Variants in DPP9 observed in about 807,000 individuals in gnomAD.
The protein encoded by DPP9 is dipeptidyl peptidase IV-related protein-2.
A neutral mutation model predicts 110.7 loss-of-function variants in DPP9; 50 were observed. That is an observed-to-expected ratio of 0.45 (90% CI 0.36 to 0.57). The LOEUF is 0.57. DPP9 is among the 20% of genes least tolerant of loss of function. DPP9 has a pLI of 0.00. For missense variants in DPP9, 1,022 were observed against 1,217.9 expected (o/e 0.84, Z 2.39); for synonymous variants, 561 against 514.4 (o/e 1.09, Z -1.23).
intron 7 of DPP9, among the ~76,000 whole-genome samples, chr19:4,703,002 C>A (rs1044394647): frequency 1.3e-5 from 2 of 151,870 alleles, no homozygotes; most frequent in African/African-American, 4.8e-5. Flanking sequence ...CCTCCACTCA[C>A]CCCATGGCAA....
rs763640243 is a variant in DPP9, at chr19:4,697,599, G to A, written c.1127C>T (p.Pro376Leu). 9.9e-6 allele frequency: 16 copies of A among 1,613,778 alleles called. No individual in the cohort carries two copies. The highest frequency in any genetic ancestry group is 2.2e-5 in the East Asian group (1 of 44,880). ...GGCCCTGGCGATGTACTCCACCTTC[G>A]GGAACAGCGAGCTGAAGGGCTGCAC... ...ELVQPFSSLF[P>L]KVEYIARAGW... The change falls in exon 11 of 22, where the codon CCG becomes CTG. Residue 376 changes from proline to leucine, a missense_variant. Around this residue, in one of 3 missense-constraint regions of DPP9, gnomAD observed 810 missense variants for 920.6 expected, o/e 0.88. Transcript: ENST00000262960.
At chr19:4,683,814 C>A in intron 18 of DPP9, 185 bp from the exon 19 acceptor site, 8 of 1,536,240 alleles carry the variant, frequency 5.2e-6, no homozygotes, top group Non-Finnish European at 7.0e-6. Flanking sequence ...ACAGATCCAG[C>A]AGCCATCTTG....
chr19:4,712,599 A>G (rs2092886413), intron 4 of DPP9, among the ~76,000 whole-genome samples: 1 of 152,158 alleles, frequency 6.6e-6, no homozygotes, highest in Non-Finnish European at 1.5e-5. Flanking sequence ...GTTTTCAGCT[A>G]CGTGGGCCAT....
At chr19:4,680,597 C>T (rs1206984629) in intron 20 of DPP9, among the ~76,000 whole-genome samples, 3 of 149,306 alleles carry the variant, frequency 2.0e-5, no homozygotes, top group African/African-American at 5.0e-5. Context: ...CCTGTGGTCC[C>T]AGCTGAGCCT....
At chr19:4,683,885 G>A (rs767558918) in intron 18 of DPP9, 540 of 1,421,886 alleles carry the variant, frequency 3.8e-4, no homozygotes, top group Admixed American at 4.5e-4. Flanking sequence ...GCGTCAGTTT[G>A]CCCATCCCTA....
Position 4,689,462 on chromosome 19 carries a change from C to A in DPP9, c.1749+108G>T. 1.4e-6 allele frequency: 2 copies of A among 1,390,048 alleles called. No homozygotes were observed. The highest frequency in any genetic ancestry group is 1.9e-6 in the Non-Finnish European group (2 of 1,042,332). The allele number at this position is 1,390,048 out of a possible 1,614,324, so 86.1% of individuals were successfully genotyped here. ...CTGCCCCAAGGCAGCTATGAGAATGCGAGACCATGAGAATGACCCTGAGTG... is the reference window on the plus strand; with the variant it reads ...CTGCCCCAAGGCAGCTATGAGAATGAGAGACCATGAGAATGACCCTGAGTG... On this transcript the variant is annotated intron_variant, in intron 15 of 21. Transcript: ENST00000262960. The surrounding 1 kb of genome is among the most constrained non-coding windows in gnomAD (Gnocchi z 7.0).
intron 2 of DPP9, 123 bp from the exon 3 acceptor site, chr19:4,720,064 C>T (rs892099641): frequency 1.6e-5 from 13 of 801,486 alleles, no homozygotes; most frequent in Non-Finnish European, 2.7e-5. Flanking sequence ...CGGGGAGCAC[C>T]CTGAAGCCAA....
Position 4,682,851 on chromosome 19 carries a change from G to T in DPP9, c.2332-13C>A, listed in dbSNP as rs941934442. ...CCGCGATGGCCACCTGAGGGACACAGCAGACAGATGGGGGCAGAGAGAGAG... is the reference window on the plus strand; with the variant it reads ...CCGCGATGGCCACCTGAGGGACACATCAGACAGATGGGGGCAGAGAGAGAG... On this transcript the variant is annotated splice_polypyrimidine_tract_variant and intron_variant, in intron 19 of 21. Coordinates refer to ENST00000262960, the MANE Select transcript of DPP9 (RefSeq NM_139159.5). This position sits in a 1 kb window ranked among gnomAD's most constrained non-coding sequence, Gnocchi z 7.1. The T allele has an allele frequency of 1.1e-5, 18 of 1,573,880 alleles. No homozygotes were observed. Among genetic ancestry groups the T allele is most frequent in the Non-Finnish European group, 1.6e-5 (18 of 1,160,918 alleles).
chr19:4,690,543 G>A (rs1479821886), intron 14 of DPP9, among the ~76,000 whole-genome samples: 1 of 152,244 alleles, frequency 6.6e-6, no homozygotes, highest in African/African-American at 2.4e-5. Context: ...CAGACGGCCT[G>A]CAGAGGACAC....
chr19:4,720,407 G>T (rs2093268636), intron 2 of DPP9, among the ~76,000 whole-genome samples: 1 of 152,192 alleles, frequency 6.6e-6, no homozygotes, highest in African/African-American at 2.4e-5. Flanking sequence ...GCACCCCGTG[G>T]CCTGAAATGC....
chr19:4,683,606 C>G lies in DPP9; in HGVS notation c.2202G>C (p.Gln734His). ...NQMGQVEIED[Q>H]VEGLQFVAEK... is the part of the protein sequence containing the mutation. ...CGGCCACGAACTGCAGGCCCTCCAC[C>G]TGGTCCTCGATCTCCACCTGGCCCT... is the stretch of plus-strand genomic sequence containing the variant. Residue 734 changes from glutamine (Q) to histidine (H), a missense_variant, in exon 19 of 22, where the codon CAG becomes CAC. Gln to His is a conservative substitution (Grantham distance 24, BLOSUM62 0). This residue lies in a region of DPP9 where 209 missense variants were observed against 280.4 expected (regional missense o/e 0.75). Coordinates refer to ENST00000262960, the MANE Select transcript of DPP9 (RefSeq NM_139159.5). 1 of 1,613,102 alleles carries G rather than the reference C, an allele frequency of 6.2e-7. No homozygotes were observed. Among genetic ancestry groups the G allele is most frequent in the East Asian group, 2.2e-5 (1 of 44,844 alleles).
rs564292926 is a variant in DPP9 at position 4,700,083 on chromosome 19, C to T, written c.1074+133G>A. On this transcript the variant is annotated intron_variant, in intron 10 of 21. Coordinates refer to ENST00000262960, the MANE Select transcript of DPP9 (RefSeq NM_139159.5). This position sits in a 1 kb window ranked among gnomAD's most constrained non-coding sequence, Gnocchi z 4.3. ...CAGGGAAGGCCTGTGGCTAGGCGGA[C>T]CGGGCGGCAGGGCTGGGGCCTGGGG... 3 of 605,354 alleles carry T rather than the reference C, an allele frequency of 5.0e-6. No homozygotes were observed. Among genetic ancestry groups the T allele is most frequent in the Non-Finnish European group, 7.8e-6 (3 of 382,510 alleles). 37.5% of individuals were successfully genotyped at this position (605,354 alleles called of 1,614,324 possible).
At chr19:4,697,895 C>T (rs1341470872) in intron 10 of DPP9, among the ~76,000 whole-genome samples, 1 of 152,050 alleles carries the variant, frequency 6.6e-6, no homozygotes, top group Non-Finnish European at 1.5e-5. Flanking sequence ...TACAGGGGGA[C>T]ACATAGACAT....
chr19:4,677,528 T>TC (rs1311346463), intron 21 of DPP9, among the ~76,000 whole-genome samples: 2 of 152,120 alleles, frequency 1.3e-5, no homozygotes, highest in African/African-American at 2.4e-5. Context: ...CCCACTGGTT[T>TC]CCCCTCCTCT....
Position 4,689,770 on chromosome 19 carries a change from G to A in DPP9, c.1597-48C>T, listed in dbSNP as rs1166286609. ...CGTGATGCGTCCCAGATGCCCCTGG[G>A]CCCACACCCCTCTCCACGCCCCACA... On this transcript the variant is annotated intron_variant, in intron 14 of 21. Coordinates refer to ENST00000262960, the MANE Select transcript of DPP9 (RefSeq NM_139159.5). This position sits in a 1 kb window ranked among gnomAD's most constrained non-coding sequence, Gnocchi z 7.0. The A allele has an allele frequency of 6.6e-7, 1 of 1,514,746 alleles. No homozygotes were observed. The highest frequency in any genetic ancestry group is 2.5e-5 in the East Asian group (1 of 40,084). The allele number at this position is 1,514,746 out of a possible 1,614,324, so 93.8% of individuals were successfully genotyped here. A position where few individuals can be genotyped will look rare whatever the true frequency, so the allele number is the denominator to read the frequency against.
At chr19:4,699,573 G>C (rs1297105435) in intron 10 of DPP9, among the ~76,000 whole-genome samples, 1 of 152,152 alleles carries the variant, frequency 6.6e-6, no homozygotes, top group African/African-American at 2.4e-5. Flanking sequence ...GCGGTCACAG[G>C]TGTGGTCTGC....
At chr19:4,678,667 T>C (rs1322007486) in intron 21 of DPP9, among the ~76,000 whole-genome samples, 1 of 151,920 alleles carries the variant, frequency 6.6e-6, no homozygotes, top group Non-Finnish European at 1.5e-5. Flanking sequence ...AGAGATCAGC[T>C]CATCACCGCA....
intron 15 of DPP9, 84 bp from the exon 16 acceptor site, chr19:4,688,976 T>TCA: frequency 7.1e-7 from 1 of 1,413,718 alleles, no homozygotes; most frequent in Non-Finnish European, 9.1e-7. Context: ...CAGGGTAGCT[T>TCA]CCCTCCCGCC....
Position 4,714,322 on chromosome 19 carries a change from G to A in DPP9, c.72C>T (p.Ser24=), listed in dbSNP as rs368983222. The change falls in exon 4 of 22, where the codon TCC becomes TCT. Residue 24 remains serine (S), a synonymous_variant. Coordinates refer to ENST00000262960, the MANE Select transcript of DPP9 (RefSeq NM_139159.5). ...TGGTGGCCATCCTCTCAGCCCCCTCGGAATTCAGCGAGAAGCTGCGGGGAG... is the reference window on the plus strand; with the variant it reads ...TGGTGGCCATCCTCTCAGCCCCCTCAGAATTCAGCGAGAAGCTGCGGGGAG... ...TGSWRSFSLN[S]EGAERMATTG... is the part of the protein sequence containing the mutation. 9.9e-5 allele frequency: 149 copies of A among 1,506,596 alleles called. No individual in the cohort carries two copies. The highest frequency in any genetic ancestry group is 2.7e-4 in the East Asian group (11 of 40,706). 93.3% of individuals were successfully genotyped at this position (1,506,596 alleles called of 1,614,324 possible).
Sources: allele counts gnomAD v4.1 joint callset (sites outside exome capture counted in the v4.1 genomes callset), GRCh38; gene constraint gnomAD v4.1.1; regional missense constraint gnomAD v4.1.1; non-coding constraint Gnocchi (gnomAD v3.1); transcripts MANE v1.5; gene names NCBI Gene and HGNC (gene_info 2026-07-23, HGNC 2026-07-21).